Variants in CATSPERD observed in about 807,000 individuals in gnomAD.
CATSPERD encodes the protein cation channel sperm-associated auxiliary subunit delta.
CATSPERD carries 86 observed loss-of-function variants against 98.1 expected under a neutral mutation model. The observed-to-expected ratio is 0.88, with a 90% confidence interval of 0.74 to 1.05. The LOEUF is 1.05. CATSPERD is among the 50% of genes least tolerant of loss of function. The pLI is 0.00. For synonymous variants in CATSPERD, 394 were observed against 390.2 expected (o/e 1.01, Z -0.12); for missense variants, 995 against 1,005.7 (o/e 0.99, Z 0.14).
chr19:5,749,160 A>G lies in CATSPERD; in HGVS notation c.964A>G (p.Ile322Val), dbSNP rs72983139. The change falls in exon 11 of 22, where the codon ATC (isoleucine) becomes GTC (valine). Residue 322 changes from isoleucine (I) to valine (V), a missense_variant. By Grantham distance (29) the Ile-to-Val change is conservative (BLOSUM62 3). Coordinates refer to ENST00000381624, the MANE Select transcript of CATSPERD (RefSeq NM_152784.4). Reference sequence around the variant, plus strand: ...TAATTTGTATTATGGCAATCTGGGCATCGTGCCAAGTTCCATAATCAAAGT... The same window carrying G: ...TAATTTGTATTATGGCAATCTGGGCGTCGTGCCAAGTTCCATAATCAAAGT... ...EDNLYYGNLG[I>V]VPSSIIKFAD... The G allele has an allele frequency of 0.032, 52,387 of 1,612,134 alleles. 1,841 individuals carry two copies. Among genetic ancestry groups the G allele is most frequent in the African/African-American group, 0.15 (11,020 of 74,854 alleles).
At chr19:5,740,447 C>T (rs1034922171) in intron 7 of CATSPERD, among the ~76,000 whole-genome samples, 5 of 151,648 alleles carry the variant, frequency 3.3e-5, no homozygotes, top group African/African-American at 9.7e-5. Flanking sequence ...ATTAGCTGGG[C>T]GTGGTGCCTC....
At chr19:5,759,040 T>C (rs772158195) in intron 14 of CATSPERD, 46 bp from the exon 15 acceptor site, 4 of 1,567,640 alleles carry the variant, frequency 2.6e-6, no homozygotes, top group African/African-American at 2.7e-5. Flanking sequence ...GGGATGCCCA[T>C]GGTGTTCCAC....
Position 5,720,656 on chromosome 19 carries a change from G to T in CATSPERD, c.-82G>T. 2 of 1,360,556 alleles carry T rather than the reference G, an allele frequency of 1.5e-6. No homozygotes were observed. Among genetic ancestry groups the T allele is most frequent in the East Asian group, 2.4e-5 (1 of 41,572 alleles). 84.3% of individuals were successfully genotyped at this position (1,360,556 alleles called of 1,614,324 possible). On this transcript the variant is annotated 5_prime_UTR_variant, in exon 1 of 22. Transcript: ENST00000381624. ...GGACTCATTGATGCGCATGCGCAGGGCTTCAGCCTGCACGTACTCGGATTG... is the reference window on the plus strand; with the variant it reads ...GGACTCATTGATGCGCATGCGCAGGTCTTCAGCCTGCACGTACTCGGATTG...
chr19:5,743,196 G>A (rs1291885956), intron 7 of CATSPERD, among the ~76,000 whole-genome samples: 2 of 151,992 alleles, frequency 1.3e-5, no homozygotes, highest in Middle Eastern at 3.2e-3. Flanking sequence ...CCAGCTACTC[G>A]GGAGGCTGAG....
At chr19:5,741,785 C>T (rs1003254722) in intron 7 of CATSPERD, among the ~76,000 whole-genome samples, 53 of 6,112 alleles carry the variant, frequency 8.7e-3, no homozygotes, top group African/African-American at 0.019. Flanking sequence ...ATGCTGAAGG[C>T]GGGGGGGGGG....
chr19:5,776,053 G>A (rs940732177), intron 20 of CATSPERD, 108 bp from the exon 21 acceptor site: 22 of 1,207,520 alleles, frequency 1.8e-5, no homozygotes, highest in Middle Eastern at 2.8e-4. Flanking sequence ...CCACCCATGC[G>A]TGCCTAATGA....
chr19:5,748,189 A>G lies in CATSPERD; in HGVS notation c.838A>G (p.Lys280Glu), dbSNP rs1378090421. 1 of 1,613,792 alleles carries G rather than the reference A, an allele frequency of 6.2e-7. No homozygotes were observed. The highest frequency in any genetic ancestry group is 1.7e-5 in the Admixed American group (1 of 59,928). Residue 280 changes from lysine (K) to glutamate (E), a missense_variant, in exon 10 of 22, where the codon AAA becomes GAA. Lys to Glu is a moderately conservative substitution (Grantham distance 56). Coordinates refer to ENST00000381624, the MANE Select transcript of CATSPERD (RefSeq NM_152784.4). Reference protein sequence around the residue: ...GQLVDTVRVKKGDQTLFSSIF... With the variant: ...GQLVDTVRVKEGDQTLFSSIF... The stretch of plus-strand genomic sequence containing the variant: ...GCTCGTCGACACCGTCCGGGTGAAA[A>G]AAGGAGACCAGACCTTGTTTTCTTC...
At chr19:5,757,191 A>G (rs2056339416) in intron 13 of CATSPERD, among the ~76,000 whole-genome samples, 1 of 152,124 alleles carries the variant, frequency 6.6e-6, no homozygotes, top group South Asian at 2.1e-4. Flanking sequence ...CAGAGGTTGC[A>G]GTGAGCTGAG....
At chr19:5,727,930 C>G (rs1345202769) in intron 3 of CATSPERD, among the ~76,000 whole-genome samples, 1 of 150,986 alleles carries the variant, frequency 6.6e-6, no homozygotes. Context: ...GTGACTCATG[C>G]CTATAGTACC....
At chr19:5,742,724 C>T (rs919888617) in intron 7 of CATSPERD, among the ~76,000 whole-genome samples, 37 of 151,902 alleles carry the variant, frequency 2.4e-4, no homozygotes, top group African/African-American at 7.5e-4. Context: ...GGGAGACTGA[C>T]GCTACAGTGG....
chr19:5,768,543 A>G (rs2056586764), intron 18 of CATSPERD, among the ~76,000 whole-genome samples: 1 of 151,798 alleles, frequency 6.6e-6, no homozygotes, highest in South Asian at 2.1e-4. Flanking sequence ...TCACTGTGTT[A>G]GCCAGGTTGG....
intron 9 of CATSPERD, among the ~76,000 whole-genome samples, chr19:5,746,296 A>C (rs1273721143): frequency 1.3e-5 from 2 of 152,222 alleles, no homozygotes; most frequent in African/African-American, 4.8e-5. Context: ...GACAACTGAA[A>C]TAAGTGACGG....
intron 16 of CATSPERD, among the ~76,000 whole-genome samples, chr19:5,764,498 T>C (rs1310453944): frequency 4.0e-5 from 6 of 150,892 alleles, no homozygotes; most frequent in African/African-American, 1.5e-4. Flanking sequence ...TTTGTATTTT[T>C]AGTAGAGACA....
At chr19:5,735,686 G>T (rs1417689870) in intron 5 of CATSPERD, among the ~76,000 whole-genome samples, 1 of 151,824 alleles carries the variant, frequency 6.6e-6, no homozygotes, top group Non-Finnish European at 1.5e-5. Flanking sequence ...TGTTGGCCAG[G>T]ATGATCTCGA....
chr19:5,732,937 G>A (rs1410483965), intron 4 of CATSPERD, among the ~76,000 whole-genome samples: 1 of 151,758 alleles, frequency 6.6e-6, no homozygotes, highest in African/African-American at 2.4e-5. Context: ...TTGGCTTCCT[G>A]AAGTGTTGGT....
At chr19:5,760,939 C>CAA (rs531768263) in intron 15 of CATSPERD, among the ~76,000 whole-genome samples, 1 of 134,380 alleles carries the variant, frequency 7.4e-6, no homozygotes, top group Admixed American at 7.5e-5. Context: ...ACCCCCATCT[C>CAA]AAAAAAAAAA....
intron 19 of CATSPERD, 112 bp downstream of exon 19, chr19:5,771,184 G>T: frequency 1.2e-5 from 14 of 1,209,268 alleles, no homozygotes; most frequent in Non-Finnish European, 1.6e-5. Flanking sequence ...TCAAAATGAT[G>T]ATGGTCACTG....
chr19:5,771,083 A>T lies in CATSPERD; in HGVS notation c.1763+11A>T, dbSNP rs765957655. 1.2e-6 allele frequency: 2 copies of T among 1,610,858 alleles called. No homozygotes were observed. Among genetic ancestry groups the T allele is most frequent in the Non-Finnish European group, 1.7e-6 (2 of 1,178,678 alleles). On this transcript the variant is annotated intron_variant, in intron 19 of 21. Transcript: ENST00000381624. ...GCCCGTGGTGGAGCTGTAAGACCCC[A>T]GGGGGGTGCTGCAGGGTGGGGACGG...
At position 5,778,511 on chromosome 19, in the gene CATSPERD, C is replaced by G. The variant is rs201534109; in HGVS notation, c.2232C>G (p.Pro744=). 1 of 1,614,026 alleles carries G rather than the reference C, an allele frequency of 6.2e-7. No individual in the cohort carries two copies. Among genetic ancestry groups the G allele is most frequent in the African/African-American group, 1.3e-5 (1 of 75,042 alleles). The change falls in exon 22 of 22, where the codon CCC becomes CCG. Residue 744 remains proline, a synonymous_variant. Coordinates refer to ENST00000381624, the MANE Select transcript of CATSPERD (RefSeq NM_152784.4). The part of the protein sequence containing the change: ...LGSVWLAYKT[P]KLLRTARGRR... ...CCGTTTGGCTGGCCTACAAGACCCC[C>G]AAGCTGCTACGCACAGCACGCGGCC... is the stretch of plus-strand genomic sequence containing the variant.
Sources: gnomAD v4.1 joint callset for allele counts (sites outside exome capture counted in the v4.1 genomes callset) on GRCh38, gnomAD v4.1.1 for gene constraint, MANE v1.5 for transcripts, NCBI Gene and HGNC (gene_info 2026-07-23, HGNC 2026-07-21) for gene names.